The following TMEM132D variants were observed in gnomAD, a reference collection of about 807,000 sequenced individuals.
TMEM132D encodes mature OL transmembrane protein.
Under a neutral mutation model 62.3 loss-of-function variants are expected in TMEM132D, and 21 were observed. The observed-to-expected ratio is 0.34, with a 90% CI of 0.24 to 0.49. The LOEUF is 0.49. TMEM132D is among the 20% of genes least tolerant of loss of function. TMEM132D has a pLI of 0.99. For missense variants in TMEM132D, 1,346 were observed against 1,402.8 expected (o/e 0.96, Z 0.65); for synonymous variants, 621 against 575.6 (o/e 1.08, Z -1.13).
At chr12:129,294,190 A>T (rs1409670465) in intron 4 of TMEM132D, among the ~76,000 whole-genome samples, 1 of 152,244 alleles carries the variant, frequency 6.6e-6, no homozygotes, top group East Asian at 1.9e-4. Context: ...ACCATGATTC[A>T]GAATACCCTT....
intron 2 of TMEM132D, among the ~76,000 whole-genome samples, chr12:129,559,926 T>C (rs1260872618): frequency 6.6e-6 from 1 of 152,136 alleles, no homozygotes; most frequent in Non-Finnish European, 1.5e-5. Context: ...AGCATGCACG[T>C]GGAATACAGC....
intron 2 of TMEM132D, among the ~76,000 whole-genome samples, chr12:129,591,123 C>T (rs917559285): frequency 6.6e-6 from 1 of 152,172 alleles, no homozygotes; most frequent in Non-Finnish European, 1.5e-5. Flanking sequence ...GAGGTATATA[C>T]AAACTCCGAA....
intron 2 of TMEM132D, among the ~76,000 whole-genome samples, chr12:129,653,693 T>C (rs1379157323): frequency 1.3e-5 from 2 of 152,150 alleles, no homozygotes; most frequent in Admixed American, 6.5e-5. Context: ...CTTTTAAAAA[T>C]AAACCTTTTT....
At chr12:129,373,146 T>C (rs1378347402) in intron 3 of TMEM132D, among the ~76,000 whole-genome samples, 1 of 152,144 alleles carries the variant, frequency 6.6e-6, no homozygotes, top group Non-Finnish European at 1.5e-5. Flanking sequence ...AACAAGAACA[T>C]TTGAAACAGA....
chr12:129,316,494 C>A (rs1396374919), intron 4 of TMEM132D, among the ~76,000 whole-genome samples: 3 of 152,140 alleles, frequency 2.0e-5, no homozygotes, highest in Non-Finnish European at 4.4e-5. Flanking sequence ...CTTTATTCCA[C>A]TGTGGTCTGA....
At chr12:129,378,901 G>T (rs546242718) in intron 3 of TMEM132D, among the ~76,000 whole-genome samples, 10 of 152,252 alleles carry the variant, frequency 6.6e-5, no homozygotes, top group Non-Finnish European at 1.0e-4. Context: ...AATAACAAAT[G>T]CAATGTCTCG....
At chr12:129,435,532 C>T (rs895954583) in intron 3 of TMEM132D, among the ~76,000 whole-genome samples, 1 of 152,160 alleles carries the variant, frequency 6.6e-6, no homozygotes, top group Non-Finnish European at 1.5e-5. Context: ...GACAATTTCT[C>T]ATGGTGGTTT....
Position 129,252,355 on chromosome 12 carries a change from T to C in TMEM132D, c.1300-42692A>G, listed in dbSNP as rs140318134. ...CACCTGAGGTGGAGGAGCAATTTCCTTGGGTGTTGGATAATAAAAGAGAGA... is the reference window on the plus strand; with the variant it reads ...CACCTGAGGTGGAGGAGCAATTTCCCTGGGTGTTGGATAATAAAAGAGAGA... On this transcript the variant is annotated intron_variant, in intron 4 of 8. Transcript: ENST00000422113. Among the ~76,000 whole-genome samples, 1,442 of 152,132 alleles carry C rather than the reference T, an allele frequency of 9.5e-3. 17 individuals carry two copies. Among genetic ancestry groups the C allele is most frequent in the African/African-American group, 0.03 (1,229 of 41,500 alleles).
chr12:129,278,792 G>A (rs1593320986), intron 4 of TMEM132D, among the ~76,000 whole-genome samples: 1 of 152,316 alleles, frequency 6.6e-6, no homozygotes, highest in East Asian at 1.9e-4. Flanking sequence ...ATTAGCAGGA[G>A]ACAGGATACG....
chr12:129,619,975 G>T (rs155721), intron 2 of TMEM132D, among the ~76,000 whole-genome samples: 1 of 152,074 alleles, frequency 6.6e-6, no homozygotes, highest in Non-Finnish European at 1.5e-5. Context: ...CCCTAACCAC[G>T]GCCCAAAGCC....
At chr12:129,676,536 G>A (rs1880635067) in intron 2 of TMEM132D, among the ~76,000 whole-genome samples, 1 of 152,182 alleles carries the variant, frequency 6.6e-6, no homozygotes, top group Admixed American at 6.5e-5. Flanking sequence ...GCTTACAGAG[G>A]AGGGGGAAGG....
At chr12:129,702,406 ACTC>A (rs1881404696) in intron 1 of TMEM132D, among the ~76,000 whole-genome samples, 2 of 152,152 alleles carry the variant, frequency 1.3e-5, no homozygotes, top group Non-Finnish European at 2.9e-5. Context: ...TATAGAAATA[ACTC>A]CTGATTGATA....
intron 2 of TMEM132D, among the ~76,000 whole-genome samples, chr12:129,617,840 G>A (rs1009396639): frequency 7.2e-5 from 11 of 152,076 alleles, no homozygotes; most frequent in Non-Finnish European, 1.5e-4. Context: ...CAGGGGCCCC[G>A]CCACCTAATA....
At chr12:129,086,526 A>T (rs982766382) in intron 5 of TMEM132D, among the ~76,000 whole-genome samples, 3 of 151,874 alleles carry the variant, frequency 2.0e-5, no homozygotes, top group Admixed American at 6.6e-5. Flanking sequence ...GAGTTGATTC[A>T]CTTCAGATAA....
At chr12:129,589,506 T>C (rs947949374) in intron 2 of TMEM132D, among the ~76,000 whole-genome samples, 2 of 152,222 alleles carry the variant, frequency 1.3e-5, no homozygotes, top group African/African-American at 2.4e-5. Flanking sequence ...GATTCAAGTA[T>C]ACAAATAAGT....
chr12:129,876,481 C>T lies in TMEM132D; in HGVS notation c.79+26780G>A, dbSNP rs562411424. On this transcript the variant is annotated intron_variant, in intron 1 of 8. Transcript: ENST00000422113. ...AATCTCCACGGCTATTACACTACCT[C>T]TTTCATGAACACATTTGTCAGGACC... 3.3e-5 allele frequency among the ~76,000 whole-genome samples: 5 copies of T among 152,360 alleles called. No individual in the cohort carries two copies. The South Asian group carries it at 8.3e-4, about 25-fold the overall frequency.
intron 4 of TMEM132D, chr12:129,209,907 G>C: frequency 1.9e-6 from 1 of 522,574 alleles, no homozygotes; most frequent in Non-Finnish European, 3.4e-6. Context: ...AAAGGTGGCG[G>C]AGGAAATTTA....
intron 4 of TMEM132D, among the ~76,000 whole-genome samples, chr12:129,250,943 T>A (rs995864606): frequency 1.3e-5 from 2 of 152,218 alleles, no homozygotes; most frequent in Admixed American, 6.5e-5. Context: ...GTATTGTGTA[T>A]AATCAAAATT....
At chr12:129,266,189 A>G (rs532603201) in intron 4 of TMEM132D, among the ~76,000 whole-genome samples, 89 of 152,218 alleles carry the variant, frequency 5.8e-4, no homozygotes, top group African/African-American at 2.0e-3. Flanking sequence ...TTAGGCATAG[A>G]TGTCTCCTGC....
Sources: allele counts gnomAD v4.1 joint callset (sites outside exome capture counted in the v4.1 genomes callset), GRCh38; gene constraint gnomAD v4.1.1; transcripts MANE v1.5; gene names NCBI Gene and HGNC (gene_info 2026-07-23, HGNC 2026-07-21).